Variants in CLSTN3 observed in about 807,000 individuals in gnomAD.
The protein encoded by CLSTN3 is calsyntenin 3, also known as calsyntenin-3.
Under a neutral mutation model 95.9 loss-of-function variants are expected in CLSTN3, and 36 were observed. The ratio of observed to expected loss-of-function variants is 0.38; its 90% CI spans 0.29 to 0.50. The LOEUF (loss-of-function observed/expected upper bound fraction) is 0.50, where lower values mean the gene tolerates loss of function less well. CLSTN3 is among the 20% of genes least tolerant of loss of function. The pLI is 0.95. For missense variants in CLSTN3, 1,084 were observed against 1,268.8 expected (o/e 0.85, Z 2.21); for synonymous variants, 481 against 504.0 (o/e 0.95, Z 0.61).
intron 12 of CLSTN3, among the ~76,000 whole-genome samples, chr12:7,146,852 AG>A (rs1939628972): frequency 6.6e-6 from 1 of 152,144 alleles, no homozygotes; most frequent in Non-Finnish European, 1.5e-5. Context: ...CTGTGCCTTC[AG>A]GGTCATCTGG....
Position 7,150,491 on chromosome 12 carries a change from G to A in CLSTN3, c.2246-53G>A. 6.3e-7 allele frequency: 1 copy of A among 1,578,684 alleles called. No homozygotes were observed. The highest frequency in any genetic ancestry group is 8.6e-7 in the Non-Finnish European group (1 of 1,156,722). ...GTGGGAGTCCAGGAGAGAGGGTCCT[G>A]CCCAGGTCCTGCCTCCACTGGCCCC... On this transcript the variant is annotated intron_variant, in intron 14 of 17. Coordinates refer to ENST00000266546, the MANE Select transcript of CLSTN3 (RefSeq NM_014718.4). The surrounding 1 kb of genome is among the most constrained non-coding windows in gnomAD (Gnocchi z 4.0).
At chr12:7,136,715 C>A in intron 6 of CLSTN3, 114 bp from the exon 7 acceptor site, 1 of 1,212,864 alleles carries the variant, frequency 8.2e-7, no homozygotes, top group Non-Finnish European at 1.2e-6. Flanking sequence ...TAAAAGGTGG[C>A]AAGACGTGCT....
chr12:7,143,078 C>A (rs761003814), intron 11 of CLSTN3, 52 bp downstream of exon 11: 7 of 1,596,886 alleles, frequency 4.4e-6, no homozygotes, highest in Non-Finnish European at 6.0e-6. Context: ...CTTGCCCCAC[C>A]CCCTTGCCCT....
At chr12:7,142,383 C>G (rs1939541680) in intron 10 of CLSTN3, among the ~76,000 whole-genome samples, 1 of 152,004 alleles carries the variant, frequency 6.6e-6, no homozygotes, top group Non-Finnish European at 1.5e-5. Flanking sequence ...TGGTGGCTTT[C>G]CACATGGTAG....
At chr12:7,147,072 T>C (rs1264149608) in intron 12 of CLSTN3, among the ~76,000 whole-genome samples, 1 of 152,166 alleles carries the variant, frequency 6.6e-6, no homozygotes, top group Non-Finnish European at 1.5e-5. Flanking sequence ...ATTACAGTCC[T>C]CTCTGTAAAA....
In CLSTN3 at chr12:7,133,774, G is replaced by A. The variant is rs1471286780; in HGVS notation, c.383+6G>A. On this transcript the variant is annotated splice_donor_region_variant and intron_variant, in intron 3 of 17. Transcript: ENST00000266546. The surrounding 1 kb of genome is among the most constrained non-coding windows in gnomAD (Gnocchi z 4.7). ...AACACCAAGAAGTCCCACAAGTGAG[G>A]AAGTCCTTGTCTCCTGCCCCATGTG... The A allele has an allele frequency of 6.4e-7, 1 of 1,555,036 alleles. No individual in the cohort carries two copies.
intron 12 of CLSTN3, among the ~76,000 whole-genome samples, chr12:7,144,835 G>A (rs970958518): frequency 6.6e-6 from 1 of 152,206 alleles, no homozygotes; most frequent in African/African-American, 2.4e-5. Flanking sequence ...GCTGTGGAAG[G>A]CCCCGGGCTG....
At position 7,137,208 on chromosome 12, in the gene CLSTN3, C is replaced by T; in HGVS notation, c.1210+98C>T. 7.8e-7 allele frequency: 1 copy of T among 1,276,334 alleles called. No individual in the cohort carries two copies. The highest frequency in any genetic ancestry group is 2.4e-5 in the Admixed American group (1 of 41,586). 79.1% of individuals were successfully genotyped at this position (1,276,334 alleles called of 1,614,324 possible). A position where few individuals can be genotyped will look rare whatever the true frequency, so the allele number is the denominator to read the frequency against. On this transcript the variant is annotated intron_variant, in intron 7 of 17. Coordinates refer to ENST00000266546, the MANE Select transcript of CLSTN3 (RefSeq NM_014718.4). The surrounding 1 kb of genome is among the most constrained non-coding windows in gnomAD (Gnocchi z 4.4). ...TGTGACTGTGAACAGGTCACTTCCC[C>T]TCTCTTCATTTGTGAGGTGCAAGTG...
intron 16 of CLSTN3, among the ~76,000 whole-genome samples, chr12:7,154,507 G>C (rs34978148): frequency 1.6e-4 from 24 of 152,228 alleles, no homozygotes; most frequent in Non-Finnish European, 3.2e-4. Context: ...AGGTGGTTAA[G>C]AGTGTTTATG....
Position 7,133,512 on chromosome 12 carries a change from G to A in CLSTN3, c.188-61G>A. On this transcript the variant is annotated intron_variant, in intron 2 of 17. Transcript: ENST00000266546. This position sits in a 1 kb window ranked among gnomAD's most constrained non-coding sequence, Gnocchi z 4.7. Reference sequence around the variant, plus strand: ...GAGGTGGAGCTGGACCCCAGGTGGGGAGACTGAGGGTGGGGAAGGAGACAC... The same window carrying A: ...GAGGTGGAGCTGGACCCCAGGTGGGAAGACTGAGGGTGGGGAAGGAGACAC... The A allele has an allele frequency of 3.9e-6, 6 of 1,540,148 alleles. No individual in the cohort carries two copies. The highest frequency in any genetic ancestry group is 5.4e-6 in the Non-Finnish European group (6 of 1,116,628).
rs1939860873 is a variant in CLSTN3 at position 7,158,420 on chromosome 12, A to T, written c.*339A>T. 7.0e-5 allele frequency: 4 copies of T among 57,108 alleles called. No homozygotes were observed. The highest frequency in any genetic ancestry group is 7.2e-4 in the East Asian group (1 of 1,384). The allele number at this position is 57,108 out of a possible 1,614,324, so 3.5% of individuals were successfully genotyped here. ...TGTTGGGGAGAGGGTGACGATTGCA[A>T]TGGCTGGGGCTGGGGCTGGGGGTGG... On this transcript the variant is annotated 3_prime_UTR_variant, in exon 18 of 18. Transcript: ENST00000266546.
At chr12:7,144,948 C>A (rs1939598625) in intron 12 of CLSTN3, among the ~76,000 whole-genome samples, 2 of 152,270 alleles carry the variant, frequency 1.3e-5, no homozygotes, top group South Asian at 4.1e-4. Context: ...CCGCCATGTC[C>A]CAGTCAGAGC....
chr12:7,133,268 G>A lies in CLSTN3; in HGVS notation c.187+122G>A. 7.7e-7 allele frequency: 1 copy of A among 1,297,198 alleles called. No homozygotes were observed. The highest frequency in any genetic ancestry group is 1.4e-5 in the South Asian group (1 of 71,064). 80.4% of individuals were successfully genotyped at this position (1,297,198 alleles called of 1,614,324 possible). A position where few individuals can be genotyped will look rare whatever the true frequency, so the allele number is the denominator to read the frequency against. ...GAGAAAGTAAGGGAAGATAAAAGTG[G>A]GCTCAAGGAGGGGAATGGTCTCCAC... On this transcript the variant is annotated intron_variant, in intron 2 of 17. Transcript: ENST00000266546. The surrounding 1 kb of genome is among the most constrained non-coding windows in gnomAD (Gnocchi z 4.7).
At chr12:7,130,312 CT>C (rs62915762), upstream of CLSTN3, 189,083 of 454,718 alleles carry the variant, frequency 0.42, 19,632 homozygotes, top group Middle Eastern at 0.45. Context: ...GTCCCCCCCC[CT>C]CCCAGTCACC....
intron 12 of CLSTN3, among the ~76,000 whole-genome samples, chr12:7,148,156 AAAAGAAAGAAAGAAAGAAAGAAAGAAAG>A (rs55677407): frequency 0.037 from 4,965 of 135,492 alleles, 282 homozygotes; most frequent in African/African-American, 0.12. Flanking sequence ...AACTCCATCA[AAAAGAAAGAAAGAAAGAAAGAAAGAAAG>A]AAAGAAAGAA....
upstream of CLSTN3, chr12:7,130,303 T>TGGGGC: frequency 1.3e-6 from 1 of 778,326 alleles, no homozygotes. Flanking sequence ...CAGCACCTGG[T>TGGGGC]CCCCCCCCCT....
chr12:7,149,277 G>A lies in CLSTN3; in HGVS notation c.2074+79G>A, dbSNP rs186551885. The stretch of plus-strand genomic sequence containing the variant: ...GTCAGAGTGTGGGAGAACTCCTGGG[G>A]CTGGAAGCAGAAAGCGACTCCATCC... On this transcript the variant is annotated intron_variant, in intron 13 of 17. Coordinates refer to ENST00000266546, the MANE Select transcript of CLSTN3 (RefSeq NM_014718.4). The surrounding 1 kb of genome is among the most constrained non-coding windows in gnomAD (Gnocchi z 4.5). 1.3e-3 allele frequency: 1,623 copies of A among 1,289,768 alleles called. 26 individuals are homozygous for A. In the Admixed American group the frequency reaches 0.03, roughly 24 times the overall value. 79.9% of individuals were successfully genotyped at this position (1,289,768 alleles called of 1,614,324 possible). A position where few individuals can be genotyped will look rare whatever the true frequency, so the allele number is the denominator to read the frequency against.
At chr12:7,147,707 G>C (rs1175297832) in intron 12 of CLSTN3, among the ~76,000 whole-genome samples, 1 of 151,570 alleles carries the variant, frequency 6.6e-6, no homozygotes, top group Non-Finnish European at 1.5e-5. Flanking sequence ...TAGAGACGGG[G>C]TTTCACTATG....
At chr12:7,147,869 T>C (rs1939648396) in intron 12 of CLSTN3, among the ~76,000 whole-genome samples, 1 of 151,986 alleles carries the variant, frequency 6.6e-6, no homozygotes, top group East Asian at 1.9e-4. Flanking sequence ...AATGAAATAA[T>C]ATGGGCCAGG....
Sources: gnomAD v4.1 joint callset for allele counts (sites outside exome capture counted in the v4.1 genomes callset) on GRCh38, gnomAD v4.1.1 for gene constraint, Gnocchi (gnomAD v3.1) non-coding constraint, MANE v1.5 for transcripts, NCBI Gene and HGNC (gene_info 2026-07-23, HGNC 2026-07-21) for gene names.